The following CCDC91 variants were observed in gnomAD, a reference collection of about 807,000 sequenced individuals.
CCDC91 encodes coiled-coil domain-containing protein 91.
A neutral mutation model predicts 63.2 loss-of-function variants in CCDC91; 48 were observed. The ratio of observed to expected loss-of-function variants is 0.76; its 90% CI spans 0.60 to 0.97. The LOEUF (loss-of-function observed/expected upper bound fraction) is 0.97. Among genes scored for constraint, CCDC91 ranks in the 50% least tolerant of loss-of-function variants. The pLI is 0.00. For synonymous variants in CCDC91, 167 were observed against 165.8 expected (o/e 1.01, Z -0.06); for missense variants, 500 against 494.6 (o/e 1.01, Z -0.10).
chr12:28,547,010 T>C (rs1182781752), intron 12 of CCDC91, among the ~76,000 whole-genome samples: 2 of 152,086 alleles, frequency 1.3e-5, no homozygotes, highest in Non-Finnish European at 2.9e-5. Context: ...AGTTAAGCAA[T>C]TTTTTAAAAT....
intron 7 of CCDC91, among the ~76,000 whole-genome samples, chr12:28,386,850 T>C (rs1945635041): frequency 6.6e-6 from 1 of 152,238 alleles, no homozygotes; most frequent in Non-Finnish European, 1.5e-5. Context: ...TATCTTGGCA[T>C]TTCTATCTGT....
intron 12 of CCDC91, among the ~76,000 whole-genome samples, chr12:28,496,730 A>C (rs1221593253): frequency 6.6e-6 from 1 of 151,326 alleles, no homozygotes; most frequent in Non-Finnish European, 1.5e-5. Flanking sequence ...GGCCACCATA[A>C]TATTCTTTTT....
At chr12:28,544,267 C>T (rs1242726879) in intron 12 of CCDC91, among the ~76,000 whole-genome samples, 8 of 151,692 alleles carry the variant, frequency 5.3e-5, no homozygotes, top group Non-Finnish European at 1.0e-4. Flanking sequence ...CAAGTCTGCA[C>T]CCCCCTTTTG....
chr12:28,402,805 T>TATATATA (rs1946720346), intron 8 of CCDC91, among the ~76,000 whole-genome samples: 1 of 152,148 alleles, frequency 6.6e-6, no homozygotes, highest in Non-Finnish European at 1.5e-5. Flanking sequence ...CTTTATCAAG[T>TATATATA]TGAGGAAGTT....
chr12:28,339,826 C>T (rs1942284163), intron 6 of CCDC91, among the ~76,000 whole-genome samples: 1 of 152,154 alleles, frequency 6.6e-6, no homozygotes, highest in African/African-American at 2.4e-5. Context: ...TTGAATCTCA[C>T]TTCAACCAGC....
chr12:28,392,084 T>G (rs1298245641), intron 8 of CCDC91, among the ~76,000 whole-genome samples: 1 of 152,170 alleles, frequency 6.6e-6, no homozygotes, highest in Non-Finnish European at 1.5e-5. Context: ...AAATGGAGAT[T>G]ATAAATATAC....
chr12:28,411,915 A>T (rs766375448), intron 8 of CCDC91, among the ~76,000 whole-genome samples: 1 of 152,192 alleles, frequency 6.6e-6, no homozygotes, highest in South Asian at 2.1e-4. Context: ...TTCATGAGGG[A>T]TCCACTCCGA....
At chr12:28,429,452 T>A (rs1453559707) in intron 8 of CCDC91, among the ~76,000 whole-genome samples, 1 of 152,138 alleles carries the variant, frequency 6.6e-6, no homozygotes, top group African/African-American at 2.4e-5. Flanking sequence ...TAAAACATTC[T>A]TTGCCTTTAA....
chr12:28,456,426 A>G (rs1044269201), intron 11 of CCDC91, among the ~76,000 whole-genome samples: 2 of 152,270 alleles, frequency 1.3e-5, no homozygotes, highest in South Asian at 2.1e-4. Flanking sequence ...TTCATTTCAT[A>G]TAAGTCAATT....
intron 12 of CCDC91, among the ~76,000 whole-genome samples, chr12:28,516,525 C>T (rs1939963889): frequency 6.6e-6 from 1 of 151,890 alleles, no homozygotes; most frequent in Non-Finnish European, 1.5e-5. Flanking sequence ...ATTGCTTGAG[C>T]CCTGAGAGTC....
chr12:28,361,391 C>A (rs1472983037), intron 6 of CCDC91, among the ~76,000 whole-genome samples: 2 of 151,872 alleles, frequency 1.3e-5, no homozygotes, highest in African/African-American at 4.8e-5. Context: ...TCCATGTGTT[C>A]TCATTGTTCA....
intron 1 of CCDC91, among the ~76,000 whole-genome samples, chr12:28,233,060 T>C (rs1168821383): frequency 7.2e-5 from 11 of 151,996 alleles, no homozygotes; most frequent in South Asian, 4.2e-4. Flanking sequence ...GTCTTTTTTT[T>C]CCCCAACCCT....
At chr12:28,479,184 T>C (rs1348047260) in intron 11 of CCDC91, among the ~76,000 whole-genome samples, 3 of 152,116 alleles carry the variant, frequency 2.0e-5, no homozygotes, top group Non-Finnish European at 4.4e-5. Context: ...GGTGGCACTA[T>C]TCACAATAGC....
At chr12:28,463,969 T>G (rs1566014547) in intron 11 of CCDC91, among the ~76,000 whole-genome samples, 1 of 152,132 alleles carries the variant, frequency 6.6e-6, no homozygotes, top group Non-Finnish European at 1.5e-5. Context: ...ACTGAAGATG[T>G]AGGCAAAACA....
chr12:28,530,974 A>G (rs1015484751), intron 12 of CCDC91, among the ~76,000 whole-genome samples: 3 of 152,128 alleles, frequency 2.0e-5, no homozygotes, highest in Admixed American at 6.6e-5. Flanking sequence ...GGGATATCAC[A>G]GCAAAAAGTC....
chr12:28,489,125 A>G (rs1951869382), intron 12 of CCDC91, among the ~76,000 whole-genome samples: 2 of 152,104 alleles, frequency 1.3e-5, no homozygotes, highest in South Asian at 4.1e-4. Context: ...GTTCTAAATC[A>G]TAAAAATTAT....
At chr12:28,483,606 A>G (rs1002662010) in intron 11 of CCDC91, among the ~76,000 whole-genome samples, 6 of 152,104 alleles carry the variant, frequency 3.9e-5, no homozygotes, top group African/African-American at 7.2e-5. Context: ...GGACCAAACT[A>G]GCTGTAAATC....
chr12:28,420,743 G>A (rs1947954069), intron 8 of CCDC91, among the ~76,000 whole-genome samples: 1 of 149,936 alleles, frequency 6.7e-6, no homozygotes, highest in Non-Finnish European at 1.5e-5. Flanking sequence ...AGTGTTGCAG[G>A]TGTGCATTTT....
intron 6 of CCDC91, among the ~76,000 whole-genome samples, chr12:28,327,694 G>A (rs543292951): frequency 6.6e-6 from 1 of 152,148 alleles, no homozygotes; most frequent in Admixed American, 6.5e-5. Context: ...GATTCCCTTG[G>A]CGTGAAACAA....
Sources: allele counts gnomAD v4.1 joint callset (sites outside exome capture counted in the v4.1 genomes callset), GRCh38; gene constraint gnomAD v4.1.1; transcripts MANE v1.5; gene names NCBI Gene and HGNC (gene_info 2026-07-23, HGNC 2026-07-21).